Variants in TRIM28 observed in about 807,000 individuals in gnomAD.
TRIM28 encodes transcription intermediary factor 1-beta.
TRIM28 carries 8 observed loss-of-function variants against 87.4 expected under a neutral mutation model. That is an observed-to-expected ratio of 0.09 (90% CI 0.05 to 0.17). The LOEUF (loss-of-function observed/expected upper bound fraction) is 0.17, where lower values mean the gene tolerates loss of function less well. Ranked by LOEUF, TRIM28 falls within the 10% of genes least tolerant of loss-of-function variation. TRIM28 has a pLI of 1.00. For synonymous variants in TRIM28, 601 were observed against 454.3 expected (o/e 1.32, Z -4.11); for missense variants, 968 against 1,131.8 (o/e 0.86, Z 2.08).
rs960873556 is a variant in TRIM28 at position 58,548,568 on chromosome 19, C to T, written c.1299C>T (p.Ser433=). 1.2e-6 allele frequency: 2 copies of T among 1,612,912 alleles called. No individual in the cohort carries two copies. The highest frequency in any genetic ancestry group is 1.1e-5 in the South Asian group (1 of 91,064). ...CTCCAAGAGCCCCAGGGCCCCTGAG[C>T]AAGCAGGGCTCTGGCAGCAGCCAGG... is the stretch of plus-strand genomic sequence containing the variant. ...MAPPRAPGPL[S]KQGSGSSQPM... The change falls in exon 9 of 17, where the codon AGC becomes AGT. Residue 433 remains serine (S), a synonymous_variant. Coordinates refer to ENST00000253024, the MANE Select transcript of TRIM28 (RefSeq NM_005762.3).
At position 58,545,158 on chromosome 19, in the gene TRIM28, G is replaced by T. The variant is rs1228084748; in HGVS notation, c.340+61G>T. ...ACTCTCTGCCTTTGATTCCGACTGG[G>T]TGCAGAGATGAGGATGCCACCTGGG... On this transcript the variant is annotated intron_variant, in intron 1 of 16. Transcript: ENST00000253024. 7.4e-6 allele frequency: 10 copies of T among 1,352,022 alleles called. No homozygotes were observed. The East Asian group carries it at 2.7e-4, about 36-fold the overall frequency. The allele number at this position is 1,352,022 out of a possible 1,614,324, so 83.8% of individuals were successfully genotyped here.
Position 58,549,851 on chromosome 19 carries a change from C to T in TRIM28, c.2097C>T (p.Ala699=). The change falls in exon 14 of 17, where the codon GCC becomes GCT. Residue 699 remains alanine, a synonymous_variant. Coordinates refer to ENST00000253024, the MANE Select transcript of TRIM28 (RefSeq NM_005762.3). This position sits in a 1 kb window ranked among gnomAD's most constrained non-coding sequence, Gnocchi z 4.4. ...GCGTGGTGGCCAAGCTCTCACCAGCCAACCAGCGGGTGAGGGCTGGGGTTA... is the reference window on the plus strand; with the variant it reads ...GCGTGGTGGCCAAGCTCTCACCAGCTAACCAGCGGGTGAGGGCTGGGGTTA... ...STGVVAKLSP[A]NQRKCERVLL... 2 of 1,612,422 alleles carry T rather than the reference C, an allele frequency of 1.2e-6. No individual in the cohort carries two copies. Among genetic ancestry groups the T allele is most frequent in the Non-Finnish European group, 1.7e-6 (2 of 1,178,586 alleles).
chr19:58,545,115 G>T lies in TRIM28; in HGVS notation c.340+18G>T. On this transcript the variant is annotated intron_variant, in intron 1 of 16. Transcript: ENST00000253024. ...CGGCACCGGTAAGTACGAAGTGATC[G>T]GTGCCACCCCTCCCCCTACTCTCTG... is the stretch of plus-strand genomic sequence containing the variant. 1 of 1,392,994 alleles carries T rather than the reference G, an allele frequency of 7.2e-7. No individual in the cohort carries two copies. Among genetic ancestry groups the T allele is most frequent in the South Asian group, 1.6e-5 (1 of 63,420 alleles). The allele number at this position is 1,392,994 out of a possible 1,614,324, so 86.3% of individuals were successfully genotyped here.
At position 58,550,437 on chromosome 19, in the gene TRIM28, G is replaced by A; in HGVS notation, c.2392G>A (p.Glu798Lys). The A allele has an allele frequency of 3.1e-6, 5 of 1,613,556 alleles. No individual in the cohort carries two copies. The highest frequency in any genetic ancestry group is 3.4e-6 in the Non-Finnish European group (4 of 1,179,998). ...LQRFFETRMN[E>K]AFGDTKFSAV... Reference sequence around the variant, plus strand: ...GCGCTTCTTCGAGACGCGCATGAACGAGGCCTTCGGTGACACCAAGTTCTC... The same window carrying A: ...GCGCTTCTTCGAGACGCGCATGAACAAGGCCTTCGGTGACACCAAGTTCTC... The change falls in exon 17 of 17, where the codon GAG becomes AAG. Residue 798 changes from glutamate to lysine, a missense_variant. Around this residue, in one of 11 missense-constraint regions of TRIM28, gnomAD observed 192 missense variants for 225.6 expected, o/e 0.85. Coordinates refer to ENST00000253024, the MANE Select transcript of TRIM28 (RefSeq NM_005762.3).
At position 58,544,858 on chromosome 19, in the gene TRIM28, C is replaced by T. The variant is rs1421345577; in HGVS notation, c.101C>T (p.Thr34Ile). ...TCCGCTGGCGGCGAAAAGCGCTCCA[C>T]CGCCCCTTCGGCCGCAGCCTCGGCC... ...EGSAGGEKRSTAPSAAASASA... is the reference protein window; with the variant it reads ...EGSAGGEKRSIAPSAAASASA... The change falls in exon 1 of 17, where the codon ACC becomes ATC. Residue 34 changes from threonine (T) to isoleucine (I), a missense_variant. By Grantham distance (89) the Thr-to-Ile change is moderately conservative (BLOSUM62 -1). Transcript: ENST00000253024. The T allele has an allele frequency of 3.8e-6, 5 of 1,305,770 alleles. No individual in the cohort carries two copies. Among genetic ancestry groups the T allele is most frequent in the Middle Eastern group, 2.9e-4 (1 of 3,436 alleles). 80.9% of individuals were successfully genotyped at this position (1,305,770 alleles called of 1,614,324 possible). A position where few individuals can be genotyped will look rare whatever the true frequency, so the allele number is the denominator to read the frequency against.
Position 58,550,535 on chromosome 19 carries a change from C to T in TRIM28, c.2490C>T (p.Gly830=). ...TGAGTTCCCAGGAGCTGTCTGGTGG[C>T]CCTGGTGATGGCCCCTGAGGCTGGA... ...AGLSSQELSG[G]PGDGP The change falls in exon 17 of 17, where the codon GGC becomes GGT. Residue 830 remains glycine, a synonymous_variant. Coordinates refer to ENST00000253024, the MANE Select transcript of TRIM28 (RefSeq NM_005762.3). 1.9e-6 allele frequency: 3 copies of T among 1,609,148 alleles called. No homozygotes were observed. Among genetic ancestry groups the T allele is most frequent in the East Asian group, 2.2e-5 (1 of 44,882 alleles).
chr19:58,547,104 T>G, intron 3 of TRIM28: 1 of 394,520 alleles, frequency 2.5e-6, no homozygotes, highest in African/African-American at 2.0e-5. Context: ...GGTCCTCTTT[T>G]TCTAGACGCT....
Position 58,545,895 on chromosome 19 carries a change from T to C in TRIM28, c.585T>C (p.Thr195=), listed in dbSNP as rs200096329. 1.6e-5 allele frequency: 26 copies of C among 1,588,236 alleles called. No homozygotes were observed. The East Asian group carries it at 5.0e-4, about 30-fold the overall frequency. ...KYTKDHTVRS[T]GPAKSRDGER... ...CCAAGGACCATACTGTGCGCTCTAC[T>C]GGTACATGAGGCTGAGGGGGGCTGT... Residue 195 remains threonine (T), a splice_region_variant and synonymous_variant, in exon 3 of 17, where the codon ACT becomes ACC. Transcript: ENST00000253024.
rs958428290 is a variant in TRIM28 at position 58,550,363 on chromosome 19, C to G, written c.2332-14C>G. Reference sequence around the variant, plus strand: ...CTAGGACCCATTCATCCACTGCATTCCTGCTTGGCCCAGGACAAGGCAGAC... The same window carrying G: ...CTAGGACCCATTCATCCACTGCATTGCTGCTTGGCCCAGGACAAGGCAGAC... On this transcript the variant is annotated splice_polypyrimidine_tract_variant and intron_variant, in intron 16 of 16. Coordinates refer to ENST00000253024, the MANE Select transcript of TRIM28 (RefSeq NM_005762.3). 1 of 1,612,978 alleles carries G rather than the reference C, an allele frequency of 6.2e-7. No individual in the cohort carries two copies. The highest frequency in any genetic ancestry group is 1.3e-5 in the African/African-American group (1 of 74,912).
chr19:58,545,729 G>T (rs553208826), intron 2 of TRIM28, 35 bp from the exon 3 acceptor site: 9 of 1,588,522 alleles, frequency 5.7e-6, no homozygotes, highest in Non-Finnish European at 7.7e-6. Context: ...CTATCAAGTT[G>T]TCTTGCCTTC....
At position 58,549,796 on chromosome 19, in the gene TRIM28, G is replaced by C. The variant is rs887534736; in HGVS notation, c.2042G>C (p.Ser681Thr). The C allele has an allele frequency of 9.3e-6, 15 of 1,612,660 alleles. No individual in the cohort carries two copies. Among genetic ancestry groups the C allele is most frequent in the Non-Finnish European group, 1.2e-5 (14 of 1,178,952 alleles). ...VLPDLKEEDG[S>T]LSLDGADSTG... ...CCTGACCTGAAGGAGGAGGATGGCA[G>C]CCTCAGCCTGGATGGTGCAGACAGC... Residue 681 changes from serine to threonine, a missense_variant, in exon 14 of 17, where the codon AGC becomes ACC. Ser to Thr is a moderately conservative substitution (Grantham distance 58). This residue lies in a region of TRIM28 where 192 missense variants were observed against 225.6 expected (regional missense o/e 0.85). Transcript: ENST00000253024. This position sits in a 1 kb window ranked among gnomAD's most constrained non-coding sequence, Gnocchi z 4.4.
rs768644701 is a variant in TRIM28 at position 58,549,225 on chromosome 19, C to T, written c.1647C>T (p.Gly549=). 6.2e-6 allele frequency: 10 copies of T among 1,613,514 alleles called. No individual in the cohort carries two copies. The East Asian group carries it at 2.0e-4, about 32-fold the overall frequency. The change falls in exon 12 of 17, where the codon GGC becomes GGT. Residue 549 remains glycine (G), a synonymous_variant. Transcript: ENST00000253024. The surrounding 1 kb of genome is among the most constrained non-coding windows in gnomAD (Gnocchi z 4.4). Reference sequence around the variant, plus strand: ...CCCCTGGTGCCCCACCCCTGGCTGGCATGGCCATTGTCAAGGTAAGCCTGT... The same window carrying T: ...CCCCTGGTGCCCCACCCCTGGCTGGTATGGCCATTGTCAAGGTAAGCCTGT... ...AGTPGAPPLA[G]MAIVKEEETE...
chr19:58,545,235 A>G (rs1347845901), intron 1 of TRIM28, 138 bp downstream of exon 1: 1 of 952,150 alleles, frequency 1.1e-6, no homozygotes, highest in East Asian at 2.7e-5. Context: ...TGGGTCCTGC[A>G]TACGAACGTG....
chr19:58,550,512 A>C lies in TRIM28; in HGVS notation c.2467A>C (p.Ser823Arg). 6.2e-7 allele frequency: 1 copy of C among 1,611,898 alleles called. No homozygotes were observed. The highest frequency in any genetic ancestry group is 8.5e-7 in the Non-Finnish European group (1 of 1,179,958). ...PPMSLPGAGL[S>R]SQELSGGPGD... Reference sequence around the variant, plus strand: ...GATGAGCCTGCCTGGTGCTGGCCTGAGTTCCCAGGAGCTGTCTGGTGGCCC... The same window carrying C: ...GATGAGCCTGCCTGGTGCTGGCCTGCGTTCCCAGGAGCTGTCTGGTGGCCC... Residue 823 changes from serine to arginine, a missense_variant, in exon 17 of 17, where the codon AGT becomes CGT. Ser to Arg is a moderately radical substitution (Grantham distance 110). This residue lies in a region of TRIM28 where 192 missense variants were observed against 225.6 expected (regional missense o/e 0.85). Coordinates refer to ENST00000253024, the MANE Select transcript of TRIM28 (RefSeq NM_005762.3).
At position 58,545,009 on chromosome 19, in the gene TRIM28, G is replaced by A; in HGVS notation, c.252G>A (p.Leu84=). The A allele has an allele frequency of 6.6e-7, 1 of 1,512,014 alleles. No homozygotes were observed. Among genetic ancestry groups the A allele is most frequent in the Non-Finnish European group, 8.8e-7 (1 of 1,139,448 alleles). 93.7% of individuals were successfully genotyped at this position (1,512,014 alleles called of 1,614,324 possible). A position where few individuals can be genotyped will look rare whatever the true frequency, so the allele number is the denominator to read the frequency against. The change falls in exon 1 of 17, where the codon TTG becomes TTA. Residue 84 remains leucine (L), a synonymous_variant. Transcript: ENST00000253024. ...PEREPRLLPC[L]HSACSACLGP... Reference sequence around the variant, plus strand: ...GGGAGCCCCGCCTGCTGCCCTGTTTGCACTCGGCCTGTAGTGCCTGCTTAG... The same window carrying A: ...GGGAGCCCCGCCTGCTGCCCTGTTTACACTCGGCCTGTAGTGCCTGCTTAG...
In TRIM28 at chr19:58,549,767, G is replaced by A. The variant is rs2053797489; in HGVS notation, c.2013G>A (p.Val671=). 2 of 1,611,494 alleles carry A rather than the reference G, an allele frequency of 1.2e-6. No homozygotes were observed. Among genetic ancestry groups the A allele is most frequent in the South Asian group, 1.1e-5 (1 of 90,956 alleles). ...GEEWSCSLCH[V]LPDLKEEDGS... ...AGTGGAGCTGCTCACTCTGCCATGT[G>A]CTCCCTGACCTGAAGGAGGAGGATG... is the stretch of plus-strand genomic sequence containing the variant. The change falls in exon 14 of 17, where the codon GTG becomes GTA. Residue 671 remains valine, a synonymous_variant. Transcript: ENST00000253024. This position sits in a 1 kb window ranked among gnomAD's most constrained non-coding sequence, Gnocchi z 4.4.
chr19:58,545,719 C>T lies in TRIM28; in HGVS notation c.454-45C>T, dbSNP rs185233903. On this transcript the variant is annotated intron_variant, in intron 2 of 16. Coordinates refer to ENST00000253024, the MANE Select transcript of TRIM28 (RefSeq NM_005762.3). ...TATTTTCTGGGATGTAAACGTGGATCTATCAAGTTGTCTTGCCTTCTCTGA... is the reference window on the plus strand; with the variant it reads ...TATTTTCTGGGATGTAAACGTGGATTTATCAAGTTGTCTTGCCTTCTCTGA... 83 of 1,582,850 alleles carry T rather than the reference C, an allele frequency of 5.2e-5. No individual in the cohort carries two copies. In the African/African-American group the frequency reaches 1.1e-3, roughly 21 times the overall value.
chr19:58,549,840 C>T lies in TRIM28; in HGVS notation c.2086C>T (p.Leu696Phe). The change falls in exon 14 of 17, where the codon CTC (leucine) becomes TTC (phenylalanine). Residue 696 changes from leucine to phenylalanine, a missense_variant. By Grantham distance (22) the Leu-to-Phe change is conservative. Transcript: ENST00000253024. The surrounding 1 kb of genome is among the most constrained non-coding windows in gnomAD (Gnocchi z 4.4). The part of the protein sequence containing the change: ...GADSTGVVAK[L>F]SPANQRKCER... Reference sequence around the variant, plus strand: ...AGACAGCACTGGCGTGGTGGCCAAGCTCTCACCAGCCAACCAGCGGGTGAG... The same window carrying T: ...AGACAGCACTGGCGTGGTGGCCAAGTTCTCACCAGCCAACCAGCGGGTGAG... 1.2e-6 allele frequency: 2 copies of T among 1,612,388 alleles called. No homozygotes were observed. Among genetic ancestry groups the T allele is most frequent in the African/African-American group, 1.3e-5 (1 of 75,024 alleles).
In TRIM28 at chr19:58,549,432, G is replaced by A. The variant is rs141543188; in HGVS notation, c.1764G>A (p.Glu588=). The change falls in exon 13 of 17, where the codon GAG becomes GAA. Residue 588 remains glutamate (E), a synonymous_variant. Coordinates refer to ENST00000253024, the MANE Select transcript of TRIM28 (RefSeq NM_005762.3). This position sits in a 1 kb window ranked among gnomAD's most constrained non-coding sequence, Gnocchi z 4.4. ...CTCTTGCGGAGGGTCCTGGTGCTGA[G>A]GGTCCCCGCCTGGCCTCACCTAGTG... is the stretch of plus-strand genomic sequence containing the variant. ...LMALAEGPGA[E]GPRLASPSGS... is the part of the protein sequence containing the mutation. 3.7e-6 allele frequency: 6 copies of A among 1,606,056 alleles called. No homozygotes were observed. Among genetic ancestry groups the A allele is most frequent in the Non-Finnish European group, 4.3e-6 (5 of 1,174,094 alleles).
Sources: gnomAD v4.1 joint callset for allele counts on GRCh38, gnomAD v4.1.1 for gene constraint, gnomAD v4.1.1 regional missense constraint, Gnocchi (gnomAD v3.1) non-coding constraint, MANE v1.5 for transcripts, NCBI Gene and HGNC (gene_info 2026-07-23, HGNC 2026-07-21) for gene names.